AGBL4: variants seen among roughly 807,000 people sequenced by gnomAD.
AGBL4 encodes cytosolic carboxypeptidase 6.
Under a neutral mutation model 66.4 loss-of-function variants are expected in AGBL4, and 58 were observed. The observed-to-expected ratio is 0.87, with a 90% CI of 0.71 to 1.09. The LOEUF is 1.09. AGBL4 is among the 50% of genes least tolerant of loss of function. The pLI is 0.00. For synonymous variants in AGBL4, 234 were observed against 222.9 expected (o/e 1.05, Z -0.44); for missense variants, 579 against 631.0 (o/e 0.92, Z 0.88).
At chr1:49,429,550 T>A (rs1311362818) in intron 3 of AGBL4, among the ~76,000 whole-genome samples, 3 of 152,170 alleles carry the variant, frequency 2.0e-5, no homozygotes. Context: ...GAGGGAAAAT[T>A]GACTTAGTTC....
intron 3 of AGBL4, among the ~76,000 whole-genome samples, chr1:49,607,504 C>A (rs1482725110): frequency 6.6e-6 from 1 of 152,108 alleles, no homozygotes; most frequent in Non-Finnish European, 1.5e-5. Context: ...CTGCCCTTGG[C>A]CACCTGAGCA....
intron 5 of AGBL4, among the ~76,000 whole-genome samples, chr1:48,969,142 T>G (rs1295848552): frequency 6.6e-6 from 1 of 150,430 alleles, no homozygotes; most frequent in African/African-American, 2.4e-5. Context: ...CTAATTCTTT[T>G]CAAACTCTCT....
At chr1:49,073,678 G>T (rs1221047148) in intron 4 of AGBL4, among the ~76,000 whole-genome samples, 3 of 152,104 alleles carry the variant, frequency 2.0e-5, no homozygotes, top group Non-Finnish European at 4.4e-5. Context: ...TTGTATGAGG[G>T]GTCTGTTGGC....
intron 1 of AGBL4, among the ~76,000 whole-genome samples, chr1:49,859,815 A>G (rs1354078088): frequency 6.6e-6 from 1 of 152,136 alleles, no homozygotes; most frequent in Non-Finnish European, 1.5e-5. Context: ...CTATTCATAC[A>G]CAACAGAATT....
At chr1:49,481,197 T>C (rs984837020) in intron 3 of AGBL4, among the ~76,000 whole-genome samples, 1 of 152,250 alleles carries the variant, frequency 6.6e-6, no homozygotes, top group Admixed American at 6.5e-5. Context: ...GGGAACAGCA[T>C]TGAATCTATA....
chr1:48,539,560 A>G lies in AGBL4; in HGVS notation c.1364+82T>C, dbSNP rs926411683. The G allele has an allele frequency of 6.2e-6, 7 of 1,137,660 alleles. No individual in the cohort carries two copies. In the African/African-American group the frequency reaches 1.1e-4, roughly 18 times the overall value. 70.5% of individuals were successfully genotyped at this position (1,137,660 alleles called of 1,614,324 possible). On this transcript the variant is annotated intron_variant, in intron 12 of 13. Transcript: ENST00000371839. ...CGGCACAGATGGGATGCTGAGTGTC[A>G]GCAAAAGGCTAAGGGAAGTTGCCCC...
rs79721507 is a variant in AGBL4, at chr1:49,885,129, G to A, written c.35-33611C>T. Among the ~76,000 whole-genome samples, 276 of 151,964 alleles carry A rather than the reference G, an allele frequency of 1.8e-3. 3 individuals carry two copies. Among genetic ancestry groups the A allele is most frequent in the African/African-American group, 6.2e-3 (257 of 41,506 alleles). On this transcript the variant is annotated intron_variant, in intron 1 of 13. Transcript: ENST00000371839. ...TAAAACTGACCTTTTTATATGACACGTATTTCACCTCAGAAGCTAAAACAC... is the reference window on the plus strand; with the variant it reads ...TAAAACTGACCTTTTTATATGACACATATTTCACCTCAGAAGCTAAAACAC...
intron 1 of AGBL4, among the ~76,000 whole-genome samples, chr1:49,982,260 C>A (rs1659116078): frequency 6.6e-6 from 1 of 152,242 alleles, no homozygotes; most frequent in Non-Finnish European, 1.5e-5. Context: ...GTGCCCAGGG[C>A]TGCGCTCCAC....
intron 2 of AGBL4, among the ~76,000 whole-genome samples, chr1:49,792,087 C>G (rs199921445): frequency 6.6e-6 from 1 of 152,048 alleles, no homozygotes; most frequent in Admixed American, 6.5e-5. Context: ...AGCAGCATCA[C>G]GGACATATTC....
At chr1:49,182,498 GT>G (rs1646946765) in intron 4 of AGBL4, among the ~76,000 whole-genome samples, 1 of 152,182 alleles carries the variant, frequency 6.6e-6, no homozygotes, top group African/African-American at 2.4e-5. Flanking sequence ...CTGAATGTTA[GT>G]TTCCTTATCT....
intron 6 of AGBL4, among the ~76,000 whole-genome samples, chr1:48,846,555 A>T (rs1216087894): frequency 6.6e-6 from 1 of 152,184 alleles, no homozygotes; most frequent in Non-Finnish European, 1.5e-5. Flanking sequence ...TTCATTGCCT[A>T]TAATTCATTT....
chr1:48,952,427 A>T (rs568300106), intron 5 of AGBL4, among the ~76,000 whole-genome samples: 4 of 152,348 alleles, frequency 2.6e-5, no homozygotes, highest in African/African-American at 9.6e-5. Flanking sequence ...ATGATATGAT[A>T]GTAAGTAGAA....
chr1:49,570,360 C>T (rs1644301987), intron 3 of AGBL4, among the ~76,000 whole-genome samples: 1 of 151,958 alleles, frequency 6.6e-6, no homozygotes, highest in Non-Finnish European at 1.5e-5. Flanking sequence ...TGCTTCTTGG[C>T]CATATGCATA....
At chr1:48,916,190 G>C (rs570167303) in intron 5 of AGBL4, among the ~76,000 whole-genome samples, 104 of 152,316 alleles carry the variant, frequency 6.8e-4, no homozygotes, top group African/African-American at 2.4e-3. Context: ...AAGAATGTCA[G>C]AGAAATAGAC....
intron 4 of AGBL4, among the ~76,000 whole-genome samples, chr1:49,155,192 C>G (rs532580883): frequency 7.2e-5 from 11 of 152,244 alleles, no homozygotes; most frequent in African/African-American, 2.6e-4. Context: ...AAAATAACCT[C>G]CAATGTAGAT....
chr1:50,017,545 G>C (rs1308305667), intron 1 of AGBL4: 1 of 152,024 alleles, frequency 6.6e-6, no homozygotes, highest in Non-Finnish European at 1.5e-5. Context: ...ACATAAAAAA[G>C]AAAGCCATAT....
At chr1:49,208,242 C>T (rs1187268036) in intron 4 of AGBL4, among the ~76,000 whole-genome samples, 1 of 151,966 alleles carries the variant, frequency 6.6e-6, no homozygotes, top group Non-Finnish European at 1.5e-5. Context: ...GAAAACATAC[C>T]ATCTCTCTGA....
intron 3 of AGBL4, among the ~76,000 whole-genome samples, chr1:49,526,582 A>T (rs1650678146): frequency 1.3e-5 from 2 of 152,116 alleles, no homozygotes; most frequent in Non-Finnish European, 2.9e-5. Flanking sequence ...TACCAAAAAA[A>T]GCCAGTCTCC....
intron 3 of AGBL4, among the ~76,000 whole-genome samples, chr1:49,352,214 T>C (rs905363294): frequency 6.6e-6 from 1 of 152,166 alleles, no homozygotes; most frequent in African/African-American, 2.4e-5. Flanking sequence ...TGGAAAATAG[T>C]TATTTATTTA....
Sources: allele counts gnomAD v4.1 joint callset (sites outside exome capture counted in the v4.1 genomes callset), GRCh38; gene constraint gnomAD v4.1.1; transcripts MANE v1.5; gene names NCBI Gene and HGNC (gene_info 2026-07-23, HGNC 2026-07-21).